PTPRD: variants seen among roughly 807,000 people sequenced by gnomAD.
PTPRD encodes the protein protein tyrosine phosphatase receptor type D, also known as receptor-type tyrosine-protein phosphatase delta.
PTPRD carries 34 observed loss-of-function variants against 214.5 expected under a neutral mutation model. The ratio of observed to expected loss-of-function variants is 0.16; its 90% CI spans 0.12 to 0.21. The LOEUF (loss-of-function observed/expected upper bound fraction) is 0.21. PTPRD is among the 10% of genes least tolerant of loss of function. The pLI, the probability that PTPRD is intolerant of heterozygous loss-of-function variation, is 1.00. For missense variants in PTPRD, 2,545 were observed against 2,398.7 expected (o/e 1.06, Z -1.27); for synonymous variants, 1,128 against 845.7 (o/e 1.33, Z -5.79).
intron 7 of PTPRD, among the ~76,000 whole-genome samples, chr9:9,599,717 T>C (rs566811327): frequency 1.3e-5 from 2 of 152,200 alleles, no homozygotes; most frequent in South Asian, 4.1e-4. Flanking sequence ...TAATCAGTAT[T>C]TCTAGAATTC....
intron 36 of PTPRD, among the ~76,000 whole-genome samples, chr9:8,391,658 G>C (rs2089608625): frequency 6.6e-6 from 1 of 152,136 alleles, no homozygotes; most frequent in South Asian, 2.1e-4. Context: ...AAAGGATTCT[G>C]GCTAAGGGCC....
rs2083145362 is a variant in PTPRD, at chr9:8,376,029, C to T, written c.4568G>A (p.Gly1523Asp). The change falls in exon 39 of 46, where the codon GGT (glycine) becomes GAT (aspartate). Residue 1523 changes from glycine (G) to aspartate (D), a missense_variant. Coordinates refer to ENST00000381196, the MANE Select transcript of PTPRD (RefSeq NM_002839.4). ...AAAAGGTGTAGGGTGTTCTGGAACA[C>T]CATGATCAGGCCAGGCGGTGAACTG... ...QFQFTAWPDH[G>D]VPEHPTPFLA... The T allele has an allele frequency of 6.2e-7, 1 of 1,612,948 alleles. No homozygotes were observed. The highest frequency in any genetic ancestry group is 1.1e-5 in the South Asian group (1 of 91,050).
At chr9:8,633,753 G>C (rs1301109507) in intron 13 of PTPRD, among the ~76,000 whole-genome samples, 1 of 151,996 alleles carries the variant, frequency 6.6e-6, no homozygotes, top group Non-Finnish European at 1.5e-5. Flanking sequence ...AGGGCAATTT[G>C]ACTCTATTAA....
intron 5 of PTPRD, among the ~76,000 whole-genome samples, chr9:9,852,789 T>C (rs1400231726): frequency 6.6e-6 from 1 of 152,200 alleles, no homozygotes; most frequent in Non-Finnish European, 1.5e-5. Flanking sequence ...ATAGATACAA[T>C]TGTTTTTCTA....
chr9:9,677,423 T>A (rs1423547659), intron 7 of PTPRD, among the ~76,000 whole-genome samples: 1 of 152,082 alleles, frequency 6.6e-6, no homozygotes, highest in Non-Finnish European at 1.5e-5. Flanking sequence ...CATATACAAA[T>A]CAATAAACGT....
At chr9:8,715,770 T>G (rs1334047763) in intron 12 of PTPRD, among the ~76,000 whole-genome samples, 1 of 152,254 alleles carries the variant, frequency 6.6e-6, no homozygotes, top group Non-Finnish European at 1.5e-5. Context: ...TCATTTGATC[T>G]CTTTAATATT....
intron 5 of PTPRD, among the ~76,000 whole-genome samples, chr9:9,828,341 C>G (rs1210963719): frequency 1.3e-5 from 2 of 152,118 alleles, no homozygotes; most frequent in African/African-American, 4.8e-5. Flanking sequence ...AGGATGAGTT[C>G]AAGTCCTTTG....
intron 2 of PTPRD, among the ~76,000 whole-genome samples, chr9:10,484,444 A>T (rs1287206424): frequency 6.6e-6 from 1 of 151,918 alleles, no homozygotes; most frequent in Admixed American, 6.6e-5. Flanking sequence ...GCTCTTAAAG[A>T]TTTTTAAGGA....
intron 7 of PTPRD, among the ~76,000 whole-genome samples, chr9:9,611,638 A>AAC (rs1024683937): frequency 1.3e-4 from 19 of 151,562 alleles, no homozygotes; most frequent in African/African-American, 4.1e-4. Flanking sequence ...ATAGTTTCAG[A>AAC]ACACACACAC....
At chr9:9,592,970 G>A (rs1180456658) in intron 7 of PTPRD, among the ~76,000 whole-genome samples, 1 of 151,826 alleles carries the variant, frequency 6.6e-6, no homozygotes, top group Admixed American at 6.6e-5. Context: ...ACTTGAACCT[G>A]GGAGGTGGAG....
chr9:9,068,024 C>G (rs1464669519), intron 10 of PTPRD, among the ~76,000 whole-genome samples: 1 of 152,188 alleles, frequency 6.6e-6, no homozygotes, highest in Admixed American at 6.5e-5. Context: ...GGCAACACTG[C>G]TCTGTTCTCC....
intron 10 of PTPRD, among the ~76,000 whole-genome samples, chr9:9,048,619 T>G (rs558679999): frequency 6.6e-6 from 1 of 152,124 alleles, no homozygotes; most frequent in South Asian, 2.1e-4. Flanking sequence ...GTTGAAATCA[T>G]GAACATAGAG....
chr9:10,050,147 G>A (rs1470450366), intron 3 of PTPRD, among the ~76,000 whole-genome samples: 1 of 152,126 alleles, frequency 6.6e-6, no homozygotes, highest in East Asian at 1.9e-4. Flanking sequence ...CATGGGGCCT[G>A]AGCAGATCCC....
chr9:10,318,368 T>C (rs1212825618), intron 3 of PTPRD, among the ~76,000 whole-genome samples: 1 of 152,028 alleles, frequency 6.6e-6, no homozygotes, highest in East Asian at 1.9e-4. Flanking sequence ...TTAATCCTTA[T>C]GACCATAATA....
chr9:10,416,438 T>A (rs368837647), intron 2 of PTPRD, among the ~76,000 whole-genome samples: 1 of 151,658 alleles, frequency 6.6e-6, no homozygotes, highest in African/African-American at 2.4e-5. Context: ...ATGAGTGGTA[T>A]AAAGAAGAAA....
chr9:9,794,621 T>G (rs186830774), intron 5 of PTPRD, among the ~76,000 whole-genome samples: 1 of 144,166 alleles, frequency 6.9e-6, no homozygotes, highest in African/African-American at 2.4e-5. Context: ...CTAACATTGT[T>G]TGTCGACTAT....
chr9:8,557,340 C>T (rs1029714097), intron 14 of PTPRD, among the ~76,000 whole-genome samples: 5 of 151,602 alleles, frequency 3.3e-5, no homozygotes, highest in African/African-American at 1.2e-4. Flanking sequence ...ACATGTCATG[C>T]TCTGTTATTG....
chr9:8,866,457 C>G (rs1390100461), intron 11 of PTPRD, among the ~76,000 whole-genome samples: 1 of 152,062 alleles, frequency 6.6e-6, no homozygotes, highest in African/African-American at 2.4e-5. Context: ...CCAATCTATG[C>G]CCCAACGTGC....
chr9:8,924,924 T>C (rs2098859922), intron 11 of PTPRD, among the ~76,000 whole-genome samples: 2 of 152,170 alleles, frequency 1.3e-5, no homozygotes, highest in Non-Finnish European at 2.9e-5. Context: ...ATTTACAACA[T>C]GGTTGCCATT....
Sources: gnomAD v4.1 joint callset for allele counts (sites outside exome capture counted in the v4.1 genomes callset) on GRCh38, gnomAD v4.1.1 for gene constraint, MANE v1.5 for transcripts, NCBI Gene and HGNC (gene_info 2026-07-23, HGNC 2026-07-21) for gene names.